The following RGS7 variants were observed in gnomAD, a reference collection of about 807,000 sequenced individuals.
The protein encoded by RGS7 is regulator of G protein signaling 7, also known as regulator of G-protein signaling 7.
In RGS7, 27 loss-of-function variants were observed where a neutral mutation model predicts 81.1. The ratio of observed to expected loss-of-function variants is 0.33; its 90% confidence interval spans 0.25 to 0.46. The LOEUF (loss-of-function observed/expected upper bound fraction) is 0.46. Ranked by LOEUF, RGS7 falls within the 20% of genes least tolerant of loss-of-function variation. RGS7 has a pLI of 1.00. For missense variants in RGS7, 396 were observed against 607.4 expected (o/e 0.65, Z 3.66); for synonymous variants, 208 against 207.7 (o/e 1.00, Z -0.01).
chr1:241,049,046 G>A (rs1270530525), intron 3 of RGS7, among the ~76,000 whole-genome samples: 1 of 152,106 alleles, frequency 6.6e-6, no homozygotes, highest in Admixed American at 6.5e-5. Flanking sequence ...GTTTGAATAA[G>A]GACACCTAGC....
chr1:241,240,572 T>C (rs1048269062), intron 2 of RGS7, among the ~76,000 whole-genome samples: 11 of 152,202 alleles, frequency 7.2e-5, no homozygotes, highest in Admixed American at 6.5e-5. Flanking sequence ...GTAAACCTCA[T>C]AGAAACATGA....
intron 18 of RGS7, among the ~76,000 whole-genome samples, chr1:240,782,282 G>A (rs1035918962): frequency 5.9e-5 from 9 of 152,174 alleles, no homozygotes; most frequent in African/African-American, 1.9e-4. Context: ...GGAAGTACAC[G>A]TGGTACGGTA....
At chr1:241,187,357 T>C (rs2072215579) in intron 2 of RGS7, among the ~76,000 whole-genome samples, 1 of 152,152 alleles carries the variant, frequency 6.6e-6, no homozygotes, top group Non-Finnish European at 1.5e-5. Flanking sequence ...TTTAGAGTGA[T>C]AAATGACTTA....
intron 9 of RGS7, among the ~76,000 whole-genome samples, chr1:240,828,736 A>G (rs1693293068): frequency 6.6e-6 from 1 of 152,200 alleles, no homozygotes; most frequent in Non-Finnish European, 1.5e-5. Flanking sequence ...GCAGTGAGCC[A>G]AGATTGCGCC....
intron 5 of RGS7, among the ~76,000 whole-genome samples, chr1:240,935,064 G>GT (rs1676390566): frequency 8.1e-6 from 1 of 122,788 alleles, no homozygotes. Context: ...AATTTTTTTT[G>GT]TTTGTTTTTT....
In RGS7 at chr1:240,812,339, G is replaced by A. The variant is rs139931364; in HGVS notation, c.957-296C>T. On this transcript the variant is annotated intron_variant, in intron 13 of 18. Coordinates refer to ENST00000440928, the MANE Select transcript of RGS7 (RefSeq NM_001364886.1). Reference sequence around the variant, plus strand: ...CTATTAATCTTATTATTTTCCAGATGAGGACAGTGAGGCACAGTATTATCA... The same window carrying A: ...CTATTAATCTTATTATTTTCCAGATAAGGACAGTGAGGCACAGTATTATCA... Among the ~76,000 whole-genome samples the A allele has an allele frequency of 9.9e-3, 1,511 of 152,076 alleles. 22 individuals carry two copies. Among genetic ancestry groups the A allele is most frequent in the African/African-American group, 0.034 (1,430 of 41,478 alleles).
intron 2 of RGS7, among the ~76,000 whole-genome samples, chr1:241,155,085 T>C (rs2069019176): frequency 6.6e-6 from 1 of 152,218 alleles, no homozygotes; most frequent in African/African-American, 2.4e-5. Context: ...AATTGATTAA[T>C]ATTGCAATAC....
intron 3 of RGS7, among the ~76,000 whole-genome samples, chr1:241,042,775 A>T (rs2060692828): frequency 6.6e-6 from 1 of 151,978 alleles, no homozygotes; most frequent in Non-Finnish European, 1.5e-5. Flanking sequence ...CCGTGTCTCT[A>T]CTAAAAATAC....
intron 3 of RGS7, among the ~76,000 whole-genome samples, chr1:240,996,161 TATA>T (rs1687254009): frequency 6.6e-6 from 1 of 152,216 alleles, no homozygotes; most frequent in South Asian, 2.1e-4. Context: ...ACATACTTGG[TATA>T]ATGTCTGTTT....
At chr1:241,322,027 G>T (rs1246145478) in intron 2 of RGS7, among the ~76,000 whole-genome samples, 1 of 151,990 alleles carries the variant, frequency 6.6e-6, no homozygotes, top group African/African-American at 2.4e-5. Context: ...GCCCTCTCAC[G>T]GTTTTTCCCA....
chr1:241,105,636 A>G (rs1247488566), intron 2 of RGS7, among the ~76,000 whole-genome samples: 1 of 152,208 alleles, frequency 6.6e-6, no homozygotes, highest in Non-Finnish European at 1.5e-5. Context: ...TGGGAGTTTA[A>G]TTAAATTAAC....
chr1:240,907,399 A>C (rs1356961335), intron 6 of RGS7, among the ~76,000 whole-genome samples: 1 of 152,028 alleles, frequency 6.6e-6, no homozygotes, highest in African/African-American at 2.4e-5. Flanking sequence ...GTATTAGTAT[A>C]GTAAATAGAA....
chr1:240,834,763 G>A (rs1042254449), intron 9 of RGS7, among the ~76,000 whole-genome samples: 13 of 151,902 alleles, frequency 8.6e-5, no homozygotes, highest in Non-Finnish European at 1.8e-4. Flanking sequence ...CGCCCGCCTC[G>A]GCCTCCCAAA....
chr1:240,799,041 A>T (rs1382689522), intron 18 of RGS7, among the ~76,000 whole-genome samples: 1 of 152,182 alleles, frequency 6.6e-6, no homozygotes, highest in Non-Finnish European at 1.5e-5. Flanking sequence ...GTATGTAAAG[A>T]TCTAAGATGC....
At chr1:241,001,928 T>C (rs1442662391) in intron 3 of RGS7, among the ~76,000 whole-genome samples, 2 of 152,094 alleles carry the variant, frequency 1.3e-5, no homozygotes, top group Non-Finnish European at 2.9e-5. Flanking sequence ...TGTGTGATAA[T>C]GATGAACCCT....
At chr1:240,834,838 T>C (rs1025923520) in intron 9 of RGS7, among the ~76,000 whole-genome samples, 1 of 151,934 alleles carries the variant, frequency 6.6e-6, no homozygotes, top group African/African-American at 2.4e-5. Flanking sequence ...TAAACATAAT[T>C]GGAAGCCACT....
chr1:241,254,622 G>A lies in RGS7; in HGVS notation c.78+101077C>T, dbSNP rs564377383. On this transcript the variant is annotated intron_variant, in intron 2 of 18. Transcript: ENST00000440928. The stretch of plus-strand genomic sequence containing the variant: ...CAAATAACATCACCTCGGGGATAAC[G>A]GTTTCAACATATAAATTTTGGAGGA... Among the ~76,000 whole-genome samples, 13 of 152,178 alleles carry A rather than the reference G, an allele frequency of 8.5e-5. No homozygotes were observed. The South Asian group carries it at 2.5e-3, about 29-fold the overall frequency.
At chr1:240,810,407 T>TCAAGGATC (rs1456653600) in intron 14 of RGS7, among the ~76,000 whole-genome samples, 1 of 151,784 alleles carries the variant, frequency 6.6e-6, no homozygotes, top group African/African-American at 2.4e-5. Flanking sequence ...CTAAAATGCC[T>TCAAGGATC]CAAGGATCCT....
intron 2 of RGS7, among the ~76,000 whole-genome samples, chr1:241,248,481 A>C (rs966902297): frequency 4.6e-5 from 7 of 150,904 alleles, no homozygotes; most frequent in Non-Finnish European, 8.8e-5. Context: ...ATTTAATGTA[A>C]GTATTGATAT....
Sources: allele counts gnomAD v4.1 joint callset (sites outside exome capture counted in the v4.1 genomes callset), GRCh38; gene constraint gnomAD v4.1.1; transcripts MANE v1.5; gene names NCBI Gene and HGNC (gene_info 2026-07-23, HGNC 2026-07-21).